The following SAMD7 variants were observed in gnomAD, a reference collection of about 807,000 sequenced individuals.
The protein encoded by SAMD7 is sterile alpha motif domain containing 7.
In SAMD7, 34 loss-of-function variants were observed where a neutral mutation model predicts 36.7. That is an observed-to-expected ratio of 0.93 (90% CI 0.71 to 1.23). The LOEUF (loss-of-function observed/expected upper bound fraction) is 1.23, where lower values mean the gene tolerates loss of function less well. Among genes scored for constraint, SAMD7 ranks in the 50% most tolerant of loss-of-function variants. The pLI, the probability that SAMD7 is intolerant of heterozygous loss-of-function variation, is 0.00. For missense variants in SAMD7, 570 were observed against 546.6 expected, an observed-to-expected ratio of 1.04 and a Z score of -0.43; for synonymous variants, 188 against 189.7, an observed-to-expected ratio of 0.99 and a Z score of 0.07.
chr3:169,923,486 A>G (rs1226387448), intron 4 of SAMD7, among the ~76,000 whole-genome samples: 1 of 152,098 alleles, frequency 6.6e-6, no homozygotes, highest in African/African-American at 2.4e-5. Flanking sequence ...GCTCATGCCT[A>G]TAATCCCAGC....
chr3:169,926,483 C>CA (rs1490889428), intron 5 of SAMD7, 70 bp from the exon 6 acceptor site: 1 of 1,446,284 alleles, frequency 6.9e-7, no homozygotes, highest in East Asian at 2.3e-5. Flanking sequence ...TTAGGGAAGA[C>CA]AAGGGGTCAT....
chr3:169,933,419 G>A (rs879911193), intron 7 of SAMD7, among the ~76,000 whole-genome samples: 8 of 152,186 alleles, frequency 5.3e-5, no homozygotes, highest in Admixed American at 5.2e-4. Flanking sequence ...ACAAGTTTCT[G>A]AGCATGGAGA....
At chr3:169,932,592 G>A (rs969083291) in intron 7 of SAMD7, 20 of 521,608 alleles carry the variant, frequency 3.8e-5, no homozygotes, top group African/African-American at 3.7e-4. Context: ...CACAATACTT[G>A]TTTTTATGGG....
chr3:169,922,507 T>A (rs114316290), intron 4 of SAMD7, among the ~76,000 whole-genome samples: 71 of 152,220 alleles, frequency 4.7e-4, no homozygotes, highest in African/African-American at 1.6e-3. Flanking sequence ...TTTGTTGTTG[T>A]TGTTTGTTTG....
chr3:169,937,208 A>C (rs1353078741), intron 8 of SAMD7, among the ~76,000 whole-genome samples: 1 of 152,024 alleles, frequency 6.6e-6, no homozygotes, highest in African/African-American at 2.4e-5. Context: ...TCCTGGTCTC[A>C]GGCACCATCA....
chr3:169,930,583 T>C (rs1006067453), intron 7 of SAMD7, among the ~76,000 whole-genome samples: 11 of 144,572 alleles, frequency 7.6e-5, no homozygotes, highest in East Asian at 2.0e-4. Context: ...CTTTTCTTTT[T>C]TTTTTTTTTT....
intron 3 of SAMD7, among the ~76,000 whole-genome samples, chr3:169,920,856 C>T (rs1239243065): frequency 6.6e-6 from 1 of 152,168 alleles, no homozygotes; most frequent in African/African-American, 2.4e-5. Context: ...GTAAACCCAA[C>T]CAAAGTATGT....
chr3:169,917,791 G>A lies in SAMD7; in HGVS notation c.-41-1667G>A, dbSNP rs1203070368. Among the ~76,000 whole-genome samples, 7 of 151,954 alleles carry A rather than the reference G, an allele frequency of 4.6e-5. No homozygotes were observed. The South Asian group carries it at 6.2e-4, about 13-fold the overall frequency. ...TGAGTAGCTGAGACTACAGGCGCCC[G>A]CCACCATACCTGACTAATTTTTTGT... On this transcript the variant is annotated intron_variant, in intron 2 of 8. Transcript: ENST00000335556.
At chr3:169,924,968 C>A in intron 4 of SAMD7, 90 bp from the exon 5 acceptor site, 19 of 708,320 alleles carry the variant, frequency 2.7e-5, no homozygotes, top group Non-Finnish European at 3.4e-5. Flanking sequence ...TTTTCAGATA[C>A]TGTTTTACAT....
Position 169,915,766 on chromosome 3 carries a change from C to T in SAMD7, c.-42+325C>T, listed in dbSNP as rs142400095. 2.6e-3 allele frequency among the ~76,000 whole-genome samples: 401 copies of T among 151,542 alleles called. 3 individuals carry two copies. Among genetic ancestry groups the T allele is most frequent in the Non-Finnish European group, 2.6e-3 (179 of 67,812 alleles). ...CTAATTTTTGTATTTTTAGTAGAGA[C>T]GGGGTTTCACCATGTTGGCCAGGCT... On this transcript the variant is annotated intron_variant, in intron 2 of 8. Transcript: ENST00000335556.
intron 7 of SAMD7, chr3:169,932,351 A>G (rs1355619096): frequency 1.5e-6 from 1 of 677,056 alleles, no homozygotes; most frequent in East Asian, 3.3e-5. Context: ...CTGATCCTTG[A>G]AAGGGAACAG....
chr3:169,928,059 C>T (rs1349842629), intron 6 of SAMD7, among the ~76,000 whole-genome samples: 1 of 152,128 alleles, frequency 6.6e-6, no homozygotes, highest in Non-Finnish European at 1.5e-5. Flanking sequence ...AGCCACCATA[C>T]CAACTGTTTC....
intron 4 of SAMD7, among the ~76,000 whole-genome samples, chr3:169,924,223 A>G (rs909230000): frequency 6.6e-6 from 1 of 151,924 alleles, no homozygotes; most frequent in Non-Finnish European, 1.5e-5. Flanking sequence ...AAGATCTAGT[A>G]TGATTTCTTT....
intron 1 of SAMD7, among the ~76,000 whole-genome samples, chr3:169,912,701 A>G (rs574469369): frequency 6.6e-6 from 1 of 152,374 alleles, no homozygotes; most frequent in East Asian, 1.9e-4. Flanking sequence ...AAGTGACAGC[A>G]GCCAGCACGT....
intron 5 of SAMD7, among the ~76,000 whole-genome samples, chr3:169,925,824 C>T (rs1280726873): frequency 6.6e-6 from 1 of 152,202 alleles, no homozygotes; most frequent in Non-Finnish European, 1.5e-5. Flanking sequence ...GCCTACGACT[C>T]CTCTGAAATT....
chr3:169,933,466 T>C (rs1164044208), intron 7 of SAMD7, among the ~76,000 whole-genome samples: 3 of 152,200 alleles, frequency 2.0e-5, no homozygotes, highest in Non-Finnish European at 4.4e-5. Context: ...TCCTCAGCAA[T>C]TGCCCATTCT....
At chr3:169,934,005 T>G (rs1452784400) in intron 7 of SAMD7, among the ~76,000 whole-genome samples, 1 of 151,830 alleles carries the variant, frequency 6.6e-6, no homozygotes, top group Non-Finnish European at 1.5e-5. Flanking sequence ...AGAGAAAACT[T>G]TAATATGGTT....
intron 2 of SAMD7, among the ~76,000 whole-genome samples, chr3:169,915,875 G>A (rs1053532064): frequency 6.6e-6 from 1 of 152,020 alleles, no homozygotes; most frequent in Non-Finnish European, 1.5e-5. Flanking sequence ...ACCACACCCA[G>A]CCTGAGCCCT....
At chr3:169,924,218 C>A (rs1051095451) in intron 4 of SAMD7, among the ~76,000 whole-genome samples, 3 of 151,722 alleles carry the variant, frequency 2.0e-5, no homozygotes, top group African/African-American at 4.8e-5. Flanking sequence ...TAAAAAAGAT[C>A]TAGTATGATT....
Sources: allele counts gnomAD v4.1 joint callset (sites outside exome capture counted in the v4.1 genomes callset), GRCh38; gene constraint gnomAD v4.1.1; transcripts MANE v1.5; gene names NCBI Gene and HGNC (gene_info 2026-07-23, HGNC 2026-07-21).